NOS1: variants seen among roughly 807,000 people sequenced by gnomAD.
NOS1 encodes NOS type I.
NOS1 carries 51 observed loss-of-function variants against 164.5 expected under a neutral mutation model. The observed-to-expected ratio is 0.31, with a 90% CI of 0.25 to 0.39. The LOEUF (loss-of-function observed/expected upper bound fraction) is 0.39. Ranked by LOEUF, NOS1 falls within the 10% of genes least tolerant of loss-of-function variation. The pLI, the probability that NOS1 is intolerant of heterozygous loss-of-function variation, is 1.00. For synonymous variants in NOS1, 719 were observed against 745.8 expected, an observed-to-expected ratio of 0.96 and a Z score of 0.59; for missense variants, 1,362 against 1,885.6, an observed-to-expected ratio of 0.72 and a Z score of 5.14.
chr12:117,264,094 G>A, intron 12 of NOS1, 120 bp from the exon 13 acceptor site: 1 of 388,388 alleles, frequency 2.6e-6, no homozygotes, highest in Non-Finnish European at 4.8e-6. Context: ...CTGAAGGGAA[G>A]AATTCTGCCC....
At chr12:117,308,629 C>T (rs944069060) in intron 3 of NOS1, among the ~76,000 whole-genome samples, 6 of 150,200 alleles carry the variant, frequency 4.0e-5, no homozygotes, top group Non-Finnish European at 8.9e-5. Context: ...CAGAGTCTTG[C>T]TCTGTCGCCC....
intron 3 of NOS1, among the ~76,000 whole-genome samples, chr12:117,308,622 A>G (rs1323021871): frequency 6.7e-6 from 1 of 149,604 alleles, no homozygotes; most frequent in Non-Finnish European, 1.5e-5. Context: ...TTTGAGACAG[A>G]GTCTTGCTCT....
intron 17 of NOS1, among the ~76,000 whole-genome samples, chr12:117,250,877 T>C (rs1471113156): frequency 6.6e-6 from 1 of 152,218 alleles, no homozygotes; most frequent in African/African-American, 2.4e-5. Flanking sequence ...TTTATGTTTG[T>C]GATGTCTGCC....
At chr12:117,266,789 C>T (rs561706594) in intron 11 of NOS1, among the ~76,000 whole-genome samples, 4 of 152,110 alleles carry the variant, frequency 2.6e-5, no homozygotes, top group Non-Finnish European at 4.4e-5. Context: ...CCACCCTCCT[C>T]GACCTCCCAA....
chr12:117,216,917 G>T (rs141746296), intron 28 of NOS1, among the ~76,000 whole-genome samples: 56 of 152,268 alleles, frequency 3.7e-4, no homozygotes, highest in African/African-American at 1.3e-3. Flanking sequence ...AGAAATGAGT[G>T]TATGCCTTGT....
intron 21 of NOS1, among the ~76,000 whole-genome samples, chr12:117,233,101 G>A (rs1382968083): frequency 1.4e-5 from 2 of 145,008 alleles, no homozygotes; most frequent in South Asian, 4.3e-4. Context: ...GTGCAATGGT[G>A]TGATGGTGTG....
At chr12:117,349,267 T>C (rs1393158366) in intron 1 of NOS1, among the ~76,000 whole-genome samples, 1 of 152,256 alleles carries the variant, frequency 6.6e-6, no homozygotes, top group Non-Finnish European at 1.5e-5. Flanking sequence ...GCTTTTGAGG[T>C]TCATCCATGT....
At chr12:117,360,951 C>A (rs966036178) in intron 1 of NOS1, among the ~76,000 whole-genome samples, 2 of 152,114 alleles carry the variant, frequency 1.3e-5, no homozygotes, top group Admixed American at 6.5e-5. Flanking sequence ...GGCGCGTAGA[C>A]CCCCGGACCG....
At chr12:117,309,285 A>G (rs993946023) in intron 3 of NOS1, 12 of 920,358 alleles carry the variant, frequency 1.3e-5, no homozygotes, top group Admixed American at 6.2e-5. Context: ...CTAGAGGGAC[A>G]TTCAGCTAGT....
At chr12:117,309,810 G>A (rs1178705950) in intron 3 of NOS1, among the ~76,000 whole-genome samples, 1 of 152,168 alleles carries the variant, frequency 6.6e-6, no homozygotes, top group African/African-American at 2.4e-5. Flanking sequence ...CTAGTTAGCC[G>A]GTAAGATTGA....
intron 6 of NOS1, 22 bp downstream of exon 6, chr12:117,286,082 G>T (rs1337807318): frequency 6.2e-7 from 1 of 1,613,378 alleles, no homozygotes; most frequent in East Asian, 2.2e-5. Context: ...GGCTCTTCAA[G>T]GTATCTGACT....
At chr12:117,221,691 T>C (rs1352692477) in intron 26 of NOS1, among the ~76,000 whole-genome samples, 1 of 151,922 alleles carries the variant, frequency 6.6e-6, no homozygotes, top group African/African-American at 2.4e-5. Context: ...TGGAGTGCAG[T>C]GGCATGATCA....
chr12:117,260,305 T>C (rs913795674), intron 14 of NOS1, among the ~76,000 whole-genome samples, 160 bp downstream of exon 14: 1 of 152,234 alleles, frequency 6.6e-6, no homozygotes, highest in Admixed American at 6.5e-5. Context: ...GATATCACAG[T>C]CCCCTGAAAT....
chr12:117,223,029 G>T (rs1868360044), intron 25 of NOS1, among the ~76,000 whole-genome samples, 166 bp from the exon 26 acceptor site: 1 of 152,126 alleles, frequency 6.6e-6, no homozygotes, highest in African/African-American at 2.4e-5. Flanking sequence ...GTACACAGGT[G>T]CTCACATGCA....
intron 26 of NOS1, among the ~76,000 whole-genome samples, chr12:117,221,818 ATT>A (rs3070338): frequency 0.29 from 32,107 of 110,894 alleles, 3,110 homozygotes; most frequent in Admixed American, 0.4. Context: ...GCTAACTTAA[ATT>A]TTTTTTTTTT....
At chr12:117,221,551 T>C (rs1164210393) in intron 26 of NOS1, among the ~76,000 whole-genome samples, 1 of 152,202 alleles carries the variant, frequency 6.6e-6, no homozygotes, top group Admixed American at 6.5e-5. Context: ...CCCAAAGTGC[T>C]GGGATTACAG....
chr12:117,260,443 G>A (rs753813050), intron 14 of NOS1, 22 bp downstream of exon 14: 7 of 1,610,702 alleles, frequency 4.3e-6, no homozygotes, highest in Non-Finnish European at 5.9e-6. Flanking sequence ...AGCTGGTGGA[G>A]CTAGGGCTAC....
chr12:117,242,366 T>C (rs1484018177), intron 20 of NOS1, among the ~76,000 whole-genome samples: 1 of 152,238 alleles, frequency 6.6e-6, no homozygotes, highest in East Asian at 1.9e-4. Flanking sequence ...GGGTGTGGTC[T>C]ACTGTTAAAA....
intron 5 of NOS1, among the ~76,000 whole-genome samples, chr12:117,286,486 G>A (rs1874126929): frequency 6.6e-6 from 1 of 152,080 alleles, no homozygotes; most frequent in Non-Finnish European, 1.5e-5. Flanking sequence ...AGCTGGGTGG[G>A]GACTGTGGCA....
Sources: gnomAD v4.1 joint callset for allele counts (sites outside exome capture counted in the v4.1 genomes callset) on GRCh38, gnomAD v4.1.1 for gene constraint, MANE v1.5 for transcripts, NCBI Gene and HGNC (gene_info 2026-07-23, HGNC 2026-07-21) for gene names.